The following BRF1 variants were observed in gnomAD, a reference collection of about 807,000 sequenced individuals.
BRF1 encodes the protein transcription factor IIIB 90 kDa subunit.
A neutral mutation model predicts 81.7 loss-of-function variants in BRF1; 59 were observed. The observed-to-expected ratio is 0.72, with a 90% CI of 0.59 to 0.90. BRF1 has a LOEUF of 0.90. Ranked by LOEUF, BRF1 falls within the 40% of genes least tolerant of loss-of-function variation. BRF1 has a pLI of 0.00. For synonymous variants in BRF1, 491 were observed against 395.6 expected (o/e 1.24, Z -2.86); for missense variants, 1,050 against 936.3 (o/e 1.12, Z -1.58).
intron 15 of BRF1, chr14:105,217,293 G>A (rs1246820208): frequency 1.5e-5 from 9 of 606,840 alleles, no homozygotes; most frequent in Non-Finnish European, 2.3e-5. Flanking sequence ...GGACAAAACA[G>A]AGCCTAGGCT....
chr14:105,215,813 GCA>G lies in BRF1; in HGVS notation c.1772+1729_1772+1730del, dbSNP rs1379151290. Among the ~76,000 whole-genome samples, 37 of 93,490 alleles carry G rather than the reference GCA, an allele frequency of 4.0e-4. No individual in the cohort carries two copies. The South Asian group carries it at 5.0e-3, about 13-fold the overall frequency. The allele number at this position is 93,490 out of a possible 152,430, so 61.3% of individuals were successfully genotyped here. A position where few individuals can be genotyped will look rare whatever the true frequency, so the allele number is the denominator to read the frequency against. ...ACATGCACACACACTGCATACACAG[GCA>G]CACACACATGCACACACACTGCATA... On this transcript the variant is annotated intron_variant, in intron 15 of 17. Transcript: ENST00000547530.
At chr14:105,304,814 G>T (rs2058138206), upstream of BRF1, among the ~76,000 whole-genome samples, 1 of 152,240 alleles carries the variant, frequency 6.6e-6, no homozygotes, top group Non-Finnish European at 1.5e-5. Flanking sequence ...CTTCTGCAGG[G>T]AAACTCCCTC....
chr14:105,211,977 G>C lies in BRF1; in HGVS notation c.1824+136C>G, dbSNP rs1890188893. ...GGGCCTCGATTCTCTGGCCATGCCA[G>C]GCAAGTATGGGGCAGCAGGGGCAGG... is the stretch of plus-strand genomic sequence containing the variant. On this transcript the variant is annotated intron_variant, in intron 16 of 17. Coordinates refer to ENST00000547530, the MANE Select transcript of BRF1 (RefSeq NM_001519.4). 4 of 1,323,202 alleles carry C rather than the reference G, an allele frequency of 3.0e-6. No individual in the cohort carries two copies. In the Admixed American group the frequency reaches 8.1e-5, roughly 27 times the overall value. The allele number at this position is 1,323,202 out of a possible 1,614,324, so 82.0% of individuals were successfully genotyped here.
In BRF1 at chr14:105,209,582, G is replaced by C. The variant is rs2141327375; in HGVS notation, c.*969C>G. ...ATGCCAGAGCTGAGACCTCCTACGAGTGGTACTGGGGCCTTCCCACGAAGA... is the reference window on the plus strand; with the variant it reads ...ATGCCAGAGCTGAGACCTCCTACGACTGGTACTGGGGCCTTCCCACGAAGA... On this transcript the variant is annotated 3_prime_UTR_variant, in exon 18 of 18. Transcript: ENST00000547530. The C allele has an allele frequency of 1.4e-6, 1 of 702,702 alleles. No individual in the cohort carries two copies. The highest frequency in any genetic ancestry group is 2.6e-6 in the Non-Finnish European group (1 of 384,878). The allele number at this position is 702,702 out of a possible 1,614,324, so 43.5% of individuals were successfully genotyped here. A position where few individuals can be genotyped will look rare whatever the true frequency, so the allele number is the denominator to read the frequency against.
intron 1 of BRF1, among the ~76,000 whole-genome samples, chr14:105,292,807 C>T (rs1410503533): frequency 6.6e-6 from 1 of 151,588 alleles, no homozygotes; most frequent in Non-Finnish European, 1.5e-5. Flanking sequence ...CCTTCCCAGG[C>T]ACAGACCCTT....
intron 1 of BRF1, among the ~76,000 whole-genome samples, chr14:105,295,604 T>C (rs118156212): frequency 2.0e-5 from 3 of 151,426 alleles, no homozygotes; most frequent in East Asian, 3.9e-4. Context: ...CCCTAGACCC[T>C]GTCTCCCCAA....
intron 11 of BRF1, among the ~76,000 whole-genome samples, chr14:105,220,339 G>C (rs894371698): frequency 1.3e-5 from 2 of 152,200 alleles, no homozygotes; most frequent in African/African-American, 2.4e-5. Context: ...GAAGCCAGCA[G>C]AACACTGAAC....
intron 15 of BRF1, among the ~76,000 whole-genome samples, chr14:105,215,983 C>CACGG (rs1555376221): frequency 7.7e-6 from 1 of 130,616 alleles, no homozygotes; most frequent in Non-Finnish European, 1.6e-5. Flanking sequence ...ACACTGCATA[C>CACGG]ACAGGCGCAC....
intron 1 of BRF1, among the ~76,000 whole-genome samples, chr14:105,294,707 A>T (rs899537692): frequency 6.6e-6 from 1 of 152,162 alleles, no homozygotes; most frequent in Non-Finnish European, 1.5e-5. Context: ...CTAGCAAGAG[A>T]GACAAAGGGA....
intron 3 of BRF1, among the ~76,000 whole-genome samples, chr14:105,261,354 C>T (rs944119192): frequency 2.6e-5 from 4 of 152,210 alleles, no homozygotes; most frequent in African/African-American, 9.6e-5. Flanking sequence ...CCAGTCATGA[C>T]GGTGCAGCCC....
chr14:105,228,678 C>T (rs587685823), intron 7 of BRF1, 142 bp downstream of exon 7: 6 of 880,254 alleles, frequency 6.8e-6, no homozygotes, highest in East Asian at 2.4e-5. Flanking sequence ...CATAGTGTGA[C>T]CGGGGCTGGG....
intron 2 of BRF1, among the ~76,000 whole-genome samples, chr14:105,274,108 C>G (rs758283975): frequency 3.3e-5 from 5 of 152,242 alleles, no homozygotes; most frequent in Non-Finnish European, 4.4e-5. Flanking sequence ...ATTCTTTACT[C>G]CGCTGAGATG....
rs1273788801 is a variant in BRF1 at position 105,241,481 on chromosome 14, C to G, written c.545-67G>C. ...ATGGCACGTGCACAGGCGGCCCACG[C>G]AGCCCAGGGGTGGGGCAACCTGCAC... On this transcript the variant is annotated intron_variant, in intron 5 of 17. Coordinates refer to ENST00000547530, the MANE Select transcript of BRF1 (RefSeq NM_001519.4). 9 of 1,593,046 alleles carry G rather than the reference C, an allele frequency of 5.6e-6. No individual in the cohort carries two copies. The East Asian group carries it at 1.6e-4, about 28-fold the overall frequency.
rs914057465 is a variant in BRF1, at chr14:105,256,667, A to G, written c.440-118T>C. On this transcript the variant is annotated intron_variant, in intron 3 of 17. Coordinates refer to ENST00000547530, the MANE Select transcript of BRF1 (RefSeq NM_001519.4). ...GGGAGCTGGAGTCGCCCCTCCAAATATAAGCTCCACCTTTGATCAGGAAGG... is the reference window on the plus strand; with the variant it reads ...GGGAGCTGGAGTCGCCCCTCCAAATGTAAGCTCCACCTTTGATCAGGAAGG... 2.1e-5 allele frequency: 31 copies of G among 1,448,800 alleles called. No homozygotes were observed. The African/African-American group carries it at 3.0e-4, about 14-fold the overall frequency. 89.7% of individuals were successfully genotyped at this position (1,448,800 alleles called of 1,614,324 possible).
chr14:105,304,793 GA>G (rs2058137019), upstream of BRF1, among the ~76,000 whole-genome samples: 1 of 152,020 alleles, frequency 6.6e-6, no homozygotes, highest in Non-Finnish European at 1.5e-5. Flanking sequence ...TGGCAGCAGG[GA>G]GAGAGAGAGC....
intron 2 of BRF1, among the ~76,000 whole-genome samples, chr14:105,275,227 C>T (rs890937170): frequency 6.6e-6 from 1 of 152,200 alleles, no homozygotes; most frequent in Non-Finnish European, 1.5e-5. Flanking sequence ...CCAGGTCAAG[C>T]CTCACACTGC....
intron 5 of BRF1, chr14:105,249,108 CCGCGCCCG>C (rs1388685934): frequency 8.7e-6 from 13 of 1,499,878 alleles, no homozygotes; most frequent in African/African-American, 2.9e-5. Flanking sequence ...CCCGCGGCCC[CCGCGCCCG>C]CGCGCGCCCA....
chr14:105,243,405 A>T (rs2054854041), intron 5 of BRF1, among the ~76,000 whole-genome samples: 1 of 151,150 alleles, frequency 6.6e-6, no homozygotes, highest in Non-Finnish European at 1.5e-5. Context: ...AGCCAAGATC[A>T]TGCCACTGCA....
Position 105,252,592 on chromosome 14 carries a change from G to C in BRF1, c.472-13C>G. 2 of 1,609,354 alleles carry C rather than the reference G, an allele frequency of 1.2e-6. No homozygotes were observed. Among genetic ancestry groups the C allele is most frequent in the Non-Finnish European group, 1.7e-6 (2 of 1,178,536 alleles). ...CGTACACATTCACCTGAGATGGAGA[G>C]ATCACAACCAGAAACAGCATTGGTA... On this transcript the variant is annotated splice_polypyrimidine_tract_variant and intron_variant, in intron 4 of 17. Coordinates refer to ENST00000547530, the MANE Select transcript of BRF1 (RefSeq NM_001519.4).
Sources: allele counts gnomAD v4.1 joint callset (sites outside exome capture counted in the v4.1 genomes callset), GRCh38; gene constraint gnomAD v4.1.1; transcripts MANE v1.5; gene names NCBI Gene and HGNC (gene_info 2026-07-23, HGNC 2026-07-21).